FSTL5: variants seen among roughly 807,000 people sequenced by gnomAD.
FSTL5 encodes the protein follistatin like 5.
In FSTL5, 62 loss-of-function variants were observed where a neutral mutation model predicts 89.1. That is an observed-to-expected ratio of 0.70 (90% CI 0.57 to 0.86). The LOEUF is 0.86. Ranked by LOEUF, FSTL5 falls within the 40% of genes least tolerant of loss-of-function variation. The pLI is 0.00. For synonymous variants in FSTL5, 383 were observed against 346.2 expected (o/e 1.11, Z -1.18); for missense variants, 1,057 against 1,001.6 (o/e 1.06, Z -0.75).
intron 3 of FSTL5, among the ~76,000 whole-genome samples, chr4:161,977,624 A>ATAAT (rs532286647): frequency 1.9e-5 from 2 of 104,400 alleles, no homozygotes; most frequent in Admixed American, 9.6e-5. Flanking sequence ...AAAAAAAAAA[A>ATAAT]AAAAAAAAAA....
chr4:161,726,227 C>CTTTTTTTTT (rs5863477), intron 6 of FSTL5, among the ~76,000 whole-genome samples: 41 of 113,676 alleles, frequency 3.6e-4, no homozygotes, highest in Non-Finnish European at 4.0e-4. Context: ...TTTTCTTTTT[C>CTTTTTTTTT]TTTTTTTTTT....
intron 3 of FSTL5, among the ~76,000 whole-genome samples, chr4:161,943,040 A>G (rs1378478133): frequency 6.6e-6 from 1 of 152,200 alleles, no homozygotes; most frequent in Non-Finnish European, 1.5e-5. Context: ...GATACATAAT[A>G]CAAAATGGAA....
At chr4:161,526,473 G>A (rs753409906) in intron 10 of FSTL5, among the ~76,000 whole-genome samples, 31 of 152,160 alleles carry the variant, frequency 2.0e-4, no homozygotes, top group African/African-American at 3.6e-4. Flanking sequence ...ATTTTACTGC[G>A]TGAGATAGAA....
intron 6 of FSTL5, among the ~76,000 whole-genome samples, chr4:161,676,742 T>TAC (rs1553957414): frequency 5.5e-5 from 8 of 144,710 alleles, no homozygotes; most frequent in Admixed American, 2.1e-4. Context: ...GGAAAATACA[T>TAC]ACACGCACAC....
chr4:161,598,791 T>C (rs1279185344), intron 7 of FSTL5, among the ~76,000 whole-genome samples: 1 of 151,986 alleles, frequency 6.6e-6, no homozygotes, highest in Non-Finnish European at 1.5e-5. Flanking sequence ...TATAGAAAAT[T>C]CTAAACTGGA....
intron 7 of FSTL5, among the ~76,000 whole-genome samples, chr4:161,638,159 C>A (rs2126664570): frequency 6.6e-6 from 1 of 151,198 alleles, no homozygotes; most frequent in East Asian, 2.0e-4. Context: ...GTTTGTAGTT[C>A]TCCTTGAAGA....
At chr4:162,123,729 AAAT>A (rs2111439472) in intron 1 of FSTL5, among the ~76,000 whole-genome samples, 1 of 152,330 alleles carries the variant, frequency 6.6e-6, no homozygotes, top group South Asian at 2.1e-4. Flanking sequence ...AGTCATGAGC[AAAT>A]AATACTGCAG....
intron 4 of FSTL5, among the ~76,000 whole-genome samples, chr4:161,893,419 T>A (rs1286449008): frequency 3.3e-5 from 5 of 152,146 alleles, no homozygotes; most frequent in Non-Finnish European, 5.9e-5. Context: ...AAACTTGTCA[T>A]CTTACCATAA....
chr4:161,614,287 T>C (rs1163040581), intron 7 of FSTL5, among the ~76,000 whole-genome samples: 1 of 152,194 alleles, frequency 6.6e-6, no homozygotes, highest in Non-Finnish European at 1.5e-5. Flanking sequence ...ATGAACCAAA[T>C]ACCTGATGTT....
intron 13 of FSTL5, among the ~76,000 whole-genome samples, chr4:161,475,897 C>T (rs575037652): frequency 4.7e-4 from 71 of 151,952 alleles, no homozygotes; most frequent in African/African-American, 1.6e-3. Flanking sequence ...CTACAGTTGC[C>T]CACCACCACG....
chr4:161,551,152 T>C (rs1732198409), intron 8 of FSTL5, among the ~76,000 whole-genome samples: 1 of 151,460 alleles, frequency 6.6e-6, no homozygotes. Context: ...CCCTGAGGAA[T>C]CGCCACACTG....
In FSTL5 at chr4:161,873,724, T is replaced by C. The variant is rs1429084290; in HGVS notation, c.409+46680A>G. On this transcript the variant is annotated intron_variant, in intron 4 of 15. Coordinates refer to ENST00000306100, the MANE Select transcript of FSTL5 (RefSeq NM_020116.5). The stretch of plus-strand genomic sequence containing the variant: ...TGCATTATCAATTATTTTTAATTCA[T>C]TTGCTTCTATTCATACTTTCTCACG... Among the ~76,000 whole-genome samples the C allele has an allele frequency of 2.6e-5, 4 of 151,456 alleles. No homozygotes were observed. In the Admixed American group the frequency reaches 2.7e-4, roughly 10 times the overall value.
Position 161,587,442 on chromosome 4 carries a change from A to T in FSTL5, c.1015+13T>A, listed in dbSNP as rs770809139. 1 of 1,612,542 alleles carries T rather than the reference A, an allele frequency of 6.2e-7. No homozygotes were observed. The highest frequency in any genetic ancestry group is 1.1e-5 in the South Asian group (1 of 91,050). On this transcript the variant is annotated intron_variant, in intron 8 of 15. Coordinates refer to ENST00000306100, the MANE Select transcript of FSTL5 (RefSeq NM_020116.5). The stretch of plus-strand genomic sequence containing the variant: ...TTCTTTGAATAGTTAGGGTAACAAA[A>T]ATCACTTCTTACCATTCACTTGGAA...
chr4:161,714,384 T>C (rs914670501), intron 6 of FSTL5, among the ~76,000 whole-genome samples: 3 of 152,224 alleles, frequency 2.0e-5, no homozygotes, highest in Non-Finnish European at 4.4e-5. Context: ...TTTATTTAAT[T>C]CTGCTTCTAT....
chr4:162,147,151 G>A (rs1172343104), intron 1 of FSTL5, among the ~76,000 whole-genome samples: 1 of 151,702 alleles, frequency 6.6e-6, no homozygotes, highest in Non-Finnish European at 1.5e-5. Flanking sequence ...TGTTTCTCTA[G>A]GCTCTTCTTA....
At chr4:161,528,681 G>A (rs1467642054) in intron 10 of FSTL5, among the ~76,000 whole-genome samples, 2 of 143,190 alleles carry the variant, frequency 1.4e-5, no homozygotes, top group African/African-American at 2.5e-5. Flanking sequence ...TTATCTGACC[G>A]AATTCCTGCA....
chr4:161,675,440 C>T (rs1251034835), intron 6 of FSTL5, among the ~76,000 whole-genome samples: 4 of 151,226 alleles, frequency 2.6e-5, no homozygotes, highest in Non-Finnish European at 4.4e-5. Flanking sequence ...TATTATATAA[C>T]TCATATATTA....
In FSTL5 at chr4:161,553,634, AT is replaced by A. The variant is rs903397049; in HGVS notation, c.1016-10942del. On this transcript the variant is annotated intron_variant, in intron 8 of 15. Transcript: ENST00000306100. ...ATACATTCTTAGCTTAAATTGTCTCATATGGTCCTAATAATATAATATATGT... is the reference window on the plus strand; with the variant it reads ...ATACATTCTTAGCTTAAATTGTCTCAATGGTCCTAATAATATAATATATGT... 3.9e-4 allele frequency among the ~76,000 whole-genome samples: 59 copies of A among 151,552 alleles called. 1 individual carries two copies. Among genetic ancestry groups the A allele is most frequent in the African/African-American group, 1.4e-3 (59 of 41,478 alleles).
chr4:161,424,024 C>CTTTTTTTTTT (rs11287729), intron 15 of FSTL5, among the ~76,000 whole-genome samples: 1 of 75,378 alleles, frequency 1.3e-5, no homozygotes, highest in Non-Finnish European at 2.3e-5. Flanking sequence ...GCCCATCATT[C>CTTTTTTTTTT]TTTTTTTTTT....
Sources: gnomAD v4.1 joint callset for allele counts (sites outside exome capture counted in the v4.1 genomes callset) on GRCh38, gnomAD v4.1.1 for gene constraint, MANE v1.5 for transcripts, NCBI Gene and HGNC (gene_info 2026-07-23, HGNC 2026-07-21) for gene names.